Variants in ARID1B observed in about 807,000 individuals in gnomAD.
ARID1B encodes the protein AT-rich interaction domain 1B, also known as AT-rich interactive domain-containing protein 1B.
Under a neutral mutation model 212.3 loss-of-function variants are expected in ARID1B, and 30 were observed. That is an observed-to-expected ratio of 0.14 (90% CI 0.11 to 0.19). The LOEUF (loss-of-function observed/expected upper bound fraction) is 0.19, where lower values mean the gene tolerates loss of function less well. Among genes scored for constraint, ARID1B ranks in the 10% least tolerant of loss-of-function variants. The pLI, the probability that ARID1B is intolerant of heterozygous loss-of-function variation, is 1.00. For missense variants in ARID1B, 2,891 were observed against 3,204.0 expected (o/e 0.90, Z 2.36); for synonymous variants, 1,402 against 1,301.7 (o/e 1.08, Z -1.66).
intron 3 of ARID1B, chr6:156,901,885 T>C (rs918815770): frequency 1.2e-5 from 3 of 253,672 alleles, no homozygotes; most frequent in Non-Finnish European, 2.3e-5. Flanking sequence ...ATTTAATCCT[T>C]CTAGTTGGCA....
chr6:156,936,532 TAACTA>T (rs934394873), intron 4 of ARID1B: 1 of 151,136 alleles, frequency 6.6e-6, no homozygotes, highest in Non-Finnish European at 1.5e-5. Context: ...TCTTCTTTAT[TAACTA>T]AAAGAATAAA....
intron 2 of ARID1B, among the ~76,000 whole-genome samples, chr6:156,866,206 G>A (rs1393354631): frequency 6.6e-6 from 1 of 152,168 alleles, no homozygotes; most frequent in Non-Finnish European, 1.5e-5. Flanking sequence ...TGTGGATACT[G>A]CTGTGGTACT....
At chr6:156,893,060 T>TTTTTTTG (rs1268821728) in intron 2 of ARID1B, among the ~76,000 whole-genome samples, 4 of 137,700 alleles carry the variant, frequency 2.9e-5, no homozygotes, top group South Asian at 2.2e-4. Flanking sequence ...TTTTTTTTTT[T>TTTTTTTG]GAGATGGAGT....
At chr6:156,829,692 A>G (rs1783008787) in intron 2 of ARID1B, 3 of 338,532 alleles carry the variant, frequency 8.9e-6, no homozygotes, top group African/African-American at 2.1e-5. Context: ...AATTTGCAGC[A>G]GGTTATAACA....
At chr6:157,197,374 C>G (rs949706654) in intron 16 of ARID1B, among the ~76,000 whole-genome samples, 31 of 152,226 alleles carry the variant, frequency 2.0e-4, no homozygotes, top group African/African-American at 7.5e-4. Context: ...CATCAGCCCA[C>G]ATGCTGGGGT....
intron 2 of ARID1B, among the ~76,000 whole-genome samples, chr6:156,899,889 C>T (rs898919216): frequency 1.3e-5 from 2 of 152,184 alleles, no homozygotes; most frequent in Non-Finnish European, 2.9e-5. Context: ...GTTATCCTAA[C>T]TGCTTTAAAT....
At chr6:156,969,892 CTT>C (rs201337033) in intron 4 of ARID1B, among the ~76,000 whole-genome samples, 3,374 of 134,370 alleles carry the variant, frequency 0.025, 32 homozygotes, top group East Asian at 0.033. Context: ...TTATATAATG[CTT>C]TTTTTTTTTT....
At position 156,831,203 on chromosome 6, in the gene ARID1B, C is replaced by A. The variant is rs1454712933; in HGVS notation, c.1986+1782C>A. On this transcript the variant is annotated intron_variant, in intron 2 of 19. Transcript: ENST00000636930. ...TCACCATTAGTTGAGAGGAAGACAG[C>A]CCAGGCAGCTGGCTGCTCAAGTCCC... is the stretch of plus-strand genomic sequence containing the variant. Among the ~76,000 whole-genome samples, 6 of 152,204 alleles carry A rather than the reference C, an allele frequency of 3.9e-5. No individual in the cohort carries two copies. The East Asian group carries it at 7.7e-4, about 20-fold the overall frequency.
intron 4 of ARID1B, chr6:157,071,640 C>G (rs1044150564): frequency 2.6e-5 from 4 of 152,194 alleles, no homozygotes; most frequent in African/African-American, 9.7e-5. Context: ...TTCATTGTTT[C>G]CTGATAATTG....
intron 7 of ARID1B, chr6:157,140,762 T>TG: frequency 2.5e-6 from 1 of 397,734 alleles, no homozygotes. Flanking sequence ...CACGTGTCCT[T>TG]GGGGTCCGCC....
rs755601970 is a variant in ARID1B at position 156,778,295 on chromosome 6, G to GCAA, written c.617_618insACA (p.Gln214dup). 2 of 1,435,396 alleles carry GCAA rather than the reference G, an allele frequency of 1.4e-6. No homozygotes were observed. Among genetic ancestry groups the GCAA allele is most frequent in the Admixed American group, 2.1e-5 (1 of 47,880 alleles). The allele number at this position is 1,435,396 out of a possible 1,614,324, so 88.9% of individuals were successfully genotyped here. The stretch of plus-strand genomic sequence containing the variant: ...AGCAGCAGCAGCAGCAGCAGCAACA[G>GCAA]CAGCAGCAGCAGCAGCAGCAACAGC... On this transcript the variant is annotated inframe_insertion, in exon 1 of 20. Coordinates refer to ENST00000636930, the MANE Select transcript of ARID1B (RefSeq NM_001374828.1).
intron 4 of ARID1B, among the ~76,000 whole-genome samples, chr6:156,976,590 G>A (rs1777263800): frequency 1.3e-5 from 2 of 151,942 alleles, no homozygotes; most frequent in Admixed American, 6.6e-5. Flanking sequence ...GGTAACACAG[G>A]GATATAAGCC....
chr6:157,075,848 C>T (rs1247231289), intron 4 of ARID1B, among the ~76,000 whole-genome samples: 1 of 152,160 alleles, frequency 6.6e-6, no homozygotes, highest in Non-Finnish European at 1.5e-5. Context: ...TACTCTTCAA[C>T]TGTGTCAAGG....
intron 7 of ARID1B, among the ~76,000 whole-genome samples, chr6:157,144,993 C>T (rs1789621998): frequency 6.6e-6 from 1 of 152,174 alleles, no homozygotes; most frequent in Non-Finnish European, 1.5e-5. Context: ...AATAAAAAAG[C>T]TAATGGCGTG....
At chr6:157,139,120 GA>G (rs1453832145) in intron 7 of ARID1B, among the ~76,000 whole-genome samples, 2 of 152,004 alleles carry the variant, frequency 1.3e-5, no homozygotes, top group South Asian at 2.1e-4. Flanking sequence ...AATGAAAAAA[GA>G]AAAAAATCAA....
chr6:156,815,758 T>C (rs1781921856), intron 1 of ARID1B, among the ~76,000 whole-genome samples: 1 of 152,230 alleles, frequency 6.6e-6, no homozygotes, highest in Non-Finnish European at 1.5e-5. Flanking sequence ...GCTGTTACTA[T>C]CCAGCTATAT....
At chr6:156,979,764 GCCAGGATGAT>G (rs1777495985) in intron 4 of ARID1B, among the ~76,000 whole-genome samples, 1 of 152,170 alleles carries the variant, frequency 6.6e-6, no homozygotes, top group Non-Finnish European at 1.5e-5. Flanking sequence ...CACCACATTG[GCCAGGATGAT>G]CTCTATCTCT....
Position 156,934,915 on chromosome 6 carries a change from TA to T in ARID1B, c.2137-550del, listed in dbSNP as rs1792045028. ...TCATAATAAATTTAGTTGTTAATTA[TA>T]TATATATATATATATATATATATAT... is the stretch of plus-strand genomic sequence containing the variant. On this transcript the variant is annotated intron_variant, in intron 3 of 19. Transcript: ENST00000636930. Among the ~76,000 whole-genome samples, 206 of 39,000 alleles carry T rather than the reference TA, an allele frequency of 5.3e-3. 4 individuals carry two copies. Among genetic ancestry groups the T allele is most frequent in the African/African-American group, 0.012 (99 of 8,488 alleles). 25.6% of individuals were successfully genotyped at this position (39,000 alleles called of 152,430 possible).
At chr6:156,806,235 A>G (rs1781145682) in intron 1 of ARID1B, among the ~76,000 whole-genome samples, 1 of 152,192 alleles carries the variant, frequency 6.6e-6, no homozygotes, top group Non-Finnish European at 1.5e-5. Flanking sequence ...CACATTCAAC[A>G]AACTTTTAAA....
Sources: gnomAD v4.1 joint callset for allele counts (sites outside exome capture counted in the v4.1 genomes callset) on GRCh38, gnomAD v4.1.1 for gene constraint, MANE v1.5 for transcripts, NCBI Gene and HGNC (gene_info 2026-07-23, HGNC 2026-07-21) for gene names.